The following GPR107 variants were observed in gnomAD, a reference collection of about 807,000 sequenced individuals.
GPR107 encodes protein GPR107.
A neutral mutation model predicts 75.5 loss-of-function variants in GPR107; 31 were observed. The ratio of observed to expected loss-of-function variants is 0.41; its 90% CI spans 0.31 to 0.55. The LOEUF is 0.55. Among genes scored for constraint, GPR107 ranks in the 20% least tolerant of loss-of-function variants. GPR107 has a pLI of 0.26. For missense variants in GPR107, 572 were observed against 665.7 expected (o/e 0.86, Z 1.55); for synonymous variants, 267 against 251.3 (o/e 1.06, Z -0.59).
intron 14 of GPR107, among the ~76,000 whole-genome samples, chr9:130,117,993 G>T (rs1307149774): frequency 6.6e-6 from 1 of 152,202 alleles, no homozygotes; most frequent in Admixed American, 6.5e-5. Flanking sequence ...TCGTCCTAAA[G>T]TCACTAGTGG....
intron 2 of GPR107, 50 bp downstream of exon 2, chr9:130,075,799 T>TC (rs768548930): frequency 1.1e-6 from 1 of 933,624 alleles, no homozygotes; most frequent in Middle Eastern, 2.3e-4. Flanking sequence ...TTTTTTTTTT[T>TC]TGAGATGGAG....
chr9:130,104,632 C>A (rs1831119244), intron 13 of GPR107, 82 bp downstream of exon 13: 1 of 1,139,018 alleles, frequency 8.8e-7, no homozygotes, highest in Non-Finnish European at 1.3e-6. Flanking sequence ...CCAAACTGAT[C>A]TCAGTCACAT....
At chr9:130,113,929 A>C (rs1323924334) in intron 14 of GPR107, among the ~76,000 whole-genome samples, 1 of 151,388 alleles carries the variant, frequency 6.6e-6, no homozygotes, top group Admixed American at 6.6e-5. Flanking sequence ...ACTCCCTCAC[A>C]GCAAGTTGAA....
chr9:130,062,660 G>GCCTGCCTT (rs1300037621), intron 1 of GPR107, among the ~76,000 whole-genome samples: 1,712 of 68,920 alleles, frequency 0.025, 19 homozygotes, highest in East Asian at 0.067. Flanking sequence ...CTGCCTGCCT[G>GCCTGCCTT]CCTTCCTTCC....
chr9:130,105,905 C>A (rs1564676692), intron 13 of GPR107, among the ~76,000 whole-genome samples: 1 of 150,148 alleles, frequency 6.7e-6, no homozygotes, highest in Non-Finnish European at 1.5e-5. Flanking sequence ...AGTGATCTTC[C>A]CACCTCAGCC....
At chr9:130,114,775 C>G (rs1157196657) in intron 14 of GPR107, 8 of 763,198 alleles carry the variant, frequency 1.0e-5, no homozygotes, top group Non-Finnish European at 1.3e-5. Context: ...GTGAAAAGGT[C>G]TTCAGACCAA....
At position 130,139,192 on chromosome 9, in the gene GPR107, G is replaced by T. The variant is rs1322066036; in HGVS notation, c.*4071G>T. On this transcript the variant is annotated 3_prime_UTR_variant, in exon 18 of 18. Transcript: ENST00000347136. ...TCCCTTTAGGATTCAGCAAGTTAAT[G>T]GCTTCCTCGCTATAGAAGTGAGACT... The T allele has an allele frequency of 6.6e-6, 1 of 152,204 alleles. No individual in the cohort carries two copies. Among genetic ancestry groups the T allele is most frequent in the Non-Finnish European group, 1.5e-5 (1 of 68,044 alleles). 9.4% of individuals were successfully genotyped at this position (152,204 alleles called of 1,614,324 possible). A position where few individuals can be genotyped will look rare whatever the true frequency, so the allele number is the denominator to read the frequency against.
At chr9:130,115,833 G>A (rs1199624280) in intron 14 of GPR107, among the ~76,000 whole-genome samples, 1 of 151,724 alleles carries the variant, frequency 6.6e-6, no homozygotes, top group East Asian at 1.9e-4. Flanking sequence ...TACTTGGGAG[G>A]CTCAAGTGAT....
intron 12 of GPR107, among the ~76,000 whole-genome samples, chr9:130,102,137 A>G (rs1440241005): frequency 2.0e-5 from 3 of 152,160 alleles, no homozygotes; most frequent in Non-Finnish European, 4.4e-5. Flanking sequence ...TGACAGAGAT[A>G]GGGCTGGCCT....
In GPR107 at chr9:130,137,634, G is replaced by A. The variant is rs908558600; in HGVS notation, c.*2513G>A. On this transcript the variant is annotated 3_prime_UTR_variant, in exon 18 of 18. Coordinates refer to ENST00000347136, the MANE Select transcript of GPR107 (RefSeq NM_020960.5). The stretch of plus-strand genomic sequence containing the variant: ...TTATTGAAGCTCTCCATCCTGTTCT[G>A]TGAGTGTGTCTTCTCTTTCTCCTTC... 5.9e-5 allele frequency: 9 copies of A among 152,248 alleles called. No individual in the cohort carries two copies. Among genetic ancestry groups the A allele is most frequent in the Admixed American group, 3.9e-4 (6 of 15,278 alleles). The allele number at this position is 152,248 out of a possible 1,614,324, so 9.4% of individuals were successfully genotyped here. A position where few individuals can be genotyped will look rare whatever the true frequency, so the allele number is the denominator to read the frequency against.
intron 9 of GPR107, among the ~76,000 whole-genome samples, chr9:130,094,153 T>C (rs1016080252): frequency 1.2e-4 from 18 of 152,044 alleles, no homozygotes; most frequent in African/African-American, 4.3e-4. Flanking sequence ...TTAAAAATTA[T>C]CCAGTTGTGG....
intron 7 of GPR107, 126 bp from the exon 8 acceptor site, chr9:130,090,750 T>G: frequency 2.0e-6 from 1 of 508,828 alleles, no homozygotes. Context: ...ATTTCTAAGG[T>G]TTAGAAATAT....
intron 5 of GPR107, among the ~76,000 whole-genome samples, 194 bp downstream of exon 5, chr9:130,079,963 C>A (rs1830453447): frequency 6.6e-6 from 1 of 152,174 alleles, no homozygotes; most frequent in Non-Finnish European, 1.5e-5. Context: ...ACAGTCATTT[C>A]TCCTTATTCC....
At position 130,092,359 on chromosome 9, in the gene GPR107, A is replaced by G; in HGVS notation, c.841A>G (p.Ile281Val). ...FFFFLSGTIW[I>V]HILRKRRNDV... ...CTTCTTTCTTTCTGGGACCATCTGGATTCATATCCTTCGAAAACGACGGTA... is the reference window on the plus strand; with the variant it reads ...CTTCTTTCTTTCTGGGACCATCTGGGTTCATATCCTTCGAAAACGACGGTA... The change falls in exon 9 of 18, where the codon ATT (isoleucine) becomes GTT (valine). Residue 281 changes from isoleucine (I) to valine (V), a missense_variant. Ile to Val is a conservative substitution (Grantham distance 29). Coordinates refer to ENST00000347136, the MANE Select transcript of GPR107 (RefSeq NM_020960.5). The G allele has an allele frequency of 6.2e-7, 1 of 1,612,186 alleles. No individual in the cohort carries two copies. The highest frequency in any genetic ancestry group is 1.7e-4 in the Middle Eastern group (1 of 6,060).
chr9:130,072,992 G>T (rs1042711184), intron 1 of GPR107, among the ~76,000 whole-genome samples: 1 of 152,092 alleles, frequency 6.6e-6, no homozygotes, highest in Non-Finnish European at 1.5e-5. Context: ...CATGCAGCCC[G>T]CAGGAAATGA....
intron 6 of GPR107, 134 bp downstream of exon 6, chr9:130,083,736 C>T (rs1271567361): frequency 1.1e-5 from 5 of 462,460 alleles, no homozygotes; most frequent in African/African-American, 1.0e-4. Flanking sequence ...ACAGTCGTCC[C>T]TTGGTGACCA....
At chr9:130,124,835 C>A in intron 14 of GPR107, 80 bp from the exon 15 acceptor site, 1 of 826,730 alleles carries the variant, frequency 1.2e-6, no homozygotes, top group Non-Finnish European at 2.0e-6. Flanking sequence ...GGCCTCTTGA[C>A]TGAGAAGGTA....
chr9:130,062,110 A>G lies in GPR107; in HGVS notation c.141+8037A>G, dbSNP rs1282214181. 5.9e-5 allele frequency among the ~76,000 whole-genome samples: 9 copies of G among 152,004 alleles called. No individual in the cohort carries two copies. The South Asian group carries it at 1.7e-3, about 28-fold the overall frequency. On this transcript the variant is annotated intron_variant, in intron 1 of 17. Coordinates refer to ENST00000347136, the MANE Select transcript of GPR107 (RefSeq NM_020960.5). ...AGGGTAGTTATGAGGATTAGATAAA[A>G]TTATGTAAAATAATAGCACTGAGGC...
chr9:130,081,612 G>T (rs942618382), intron 5 of GPR107, among the ~76,000 whole-genome samples: 4 of 151,470 alleles, frequency 2.6e-5, no homozygotes, highest in African/African-American at 9.7e-5. Flanking sequence ...GATGGAGTTC[G>T]CAGTGAGCCA....
Sources: allele counts gnomAD v4.1 joint callset (sites outside exome capture counted in the v4.1 genomes callset), GRCh38; gene constraint gnomAD v4.1.1; transcripts MANE v1.5; gene names NCBI Gene and HGNC (gene_info 2026-07-23, HGNC 2026-07-21).